The following PPP2R2B variants were observed in gnomAD, a reference collection of about 807,000 sequenced individuals.
PPP2R2B encodes the protein protein phosphatase 2 regulatory subunit Bbeta.
In PPP2R2B, 5 loss-of-function variants were observed where a neutral mutation model predicts 46.0. The observed-to-expected ratio is 0.11, with a 90% CI of 0.06 to 0.23. PPP2R2B has a LOEUF of 0.23. Among genes scored for constraint, PPP2R2B ranks in the 10% least tolerant of loss-of-function variants. PPP2R2B has a pLI of 1.00. For synonymous variants in PPP2R2B, 215 were observed against 206.7 expected, an observed-to-expected ratio of 1.04 and a Z score of -0.34; for missense variants, 367 against 575.0, an observed-to-expected ratio of 0.64 and a Z score of 3.70.
At chr5:146,804,081 C>T (rs1757027959) in intron 2 of PPP2R2B, among the ~76,000 whole-genome samples, 3 of 151,780 alleles carry the variant, frequency 2.0e-5, no homozygotes, top group Admixed American at 6.6e-5. Flanking sequence ...GGAGAAGAAT[C>T]GCTTGAACCC....
intron 1 of PPP2R2B, among the ~76,000 whole-genome samples, chr5:146,965,251 A>AAAT (rs1426814138): frequency 6.6e-6 from 1 of 152,206 alleles, no homozygotes; most frequent in South Asian, 2.1e-4. Context: ...TCCAGAAATA[A>AAAT]AATAATAATA....
intron 2 of PPP2R2B, among the ~76,000 whole-genome samples, chr5:146,784,211 GA>G (rs1457241652): frequency 1.3e-5 from 2 of 152,240 alleles, no homozygotes; most frequent in Non-Finnish European, 2.9e-5. Context: ...ATGATATGCA[GA>G]AGTTTTCTCA....
intron 2 of PPP2R2B, among the ~76,000 whole-genome samples, chr5:146,743,999 TAA>T (rs1246649220): frequency 6.6e-6 from 1 of 152,188 alleles, no homozygotes; most frequent in African/African-American, 2.4e-5. Flanking sequence ...TCAACTGCAT[TAA>T]GTTAAGCCAA....
chr5:146,939,409 G>C (rs773369664), intron 1 of PPP2R2B, among the ~76,000 whole-genome samples: 90 of 152,198 alleles, frequency 5.9e-4, no homozygotes, highest in Non-Finnish European at 1.1e-3. Context: ...GTGGGAAAGA[G>C]GGTGATGAGC....
At chr5:146,865,070 A>G (rs1402609027) in intron 2 of PPP2R2B, among the ~76,000 whole-genome samples, 1 of 152,216 alleles carries the variant, frequency 6.6e-6, no homozygotes, top group Non-Finnish European at 1.5e-5. Flanking sequence ...CTATAACATA[A>G]CCAAATACAT....
intron 2 of PPP2R2B, among the ~76,000 whole-genome samples, chr5:146,857,941 G>A (rs1760774003): frequency 6.6e-6 from 1 of 152,160 alleles, no homozygotes; most frequent in Non-Finnish European, 1.5e-5. Flanking sequence ...CCTGCCTTTG[G>A]CCTCCCAAAG....
chr5:146,993,328 T>C (rs1286112236), intron 1 of PPP2R2B, among the ~76,000 whole-genome samples: 1 of 152,064 alleles, frequency 6.6e-6, no homozygotes, highest in Non-Finnish European at 1.5e-5. Context: ...CTGCAGCCTC[T>C]GCCTCCTAGG....
chr5:146,823,853 T>G (rs1158440988), intron 2 of PPP2R2B, among the ~76,000 whole-genome samples: 2 of 152,206 alleles, frequency 1.3e-5, no homozygotes, highest in East Asian at 1.9e-4. Flanking sequence ...TTGCCTCATT[T>G]CAAGTTAATT....
Position 146,588,078 on chromosome 5 carries a change from A to G in PPP2R2B, c.*1869T>C, listed in dbSNP as rs975769887. The stretch of plus-strand genomic sequence containing the variant: ...ACTCTCTCATGTCTCCTCCAAGAAC[A>G]CTGTCCCAGTCAGGACAGAAATCTT... On this transcript the variant is annotated 3_prime_UTR_variant, in exon 10 of 10. Transcript: ENST00000394411. 1 of 148,916 alleles carries G rather than the reference A, an allele frequency of 6.7e-6. No homozygotes were observed. Among genetic ancestry groups the G allele is most frequent in the Admixed American group, 6.8e-5 (1 of 14,734 alleles). 9.2% of individuals were successfully genotyped at this position (148,916 alleles called of 1,614,324 possible). A position where few individuals can be genotyped will look rare whatever the true frequency, so the allele number is the denominator to read the frequency against.
chr5:147,005,100 A>G (rs1295198141), intron 1 of PPP2R2B, among the ~76,000 whole-genome samples: 3 of 152,142 alleles, frequency 2.0e-5, no homozygotes, highest in African/African-American at 7.2e-5. Context: ...TGTATGTGTG[A>G]GGCCCTCAAC....
In PPP2R2B at chr5:146,921,845, C is replaced by T. The variant is rs532645278; in HGVS notation, c.79+133820G>A. On this transcript the variant is annotated intron_variant, in intron 1 of 8. Coordinates refer to the PPP2R2B transcript ENST00000336640. ...TCAAGTATAACAACAAGTACTACTA[C>T]TATTAATTATTTAGATGCCTACCAT... Among the ~76,000 whole-genome samples, 112 of 152,316 alleles carry T rather than the reference C, an allele frequency of 7.4e-4. 1 individual carries two copies. Among genetic ancestry groups the T allele is most frequent in the Non-Finnish European group, 1.2e-3 (83 of 68,028 alleles).
At chr5:146,797,881 G>T (rs1252494632) in intron 2 of PPP2R2B, among the ~76,000 whole-genome samples, 1 of 152,164 alleles carries the variant, frequency 6.6e-6, no homozygotes, top group African/African-American at 2.4e-5. Context: ...TTAGCTCCTG[G>T]AGTTCAGAGG....
chr5:146,707,481 C>T, intron 2 of PPP2R2B: 3 of 747,262 alleles, frequency 4.0e-6, no homozygotes, highest in South Asian at 1.4e-5. Flanking sequence ...CTGCTGCCCA[C>T]TCAGGAGAAG....
chr5:146,728,121 G>T (rs1310650371), intron 2 of PPP2R2B, among the ~76,000 whole-genome samples: 1 of 147,334 alleles, frequency 6.8e-6, no homozygotes, highest in African/African-American at 2.5e-5. Flanking sequence ...TGAATATGAT[G>T]GCTAGGGAAA....
Position 146,726,257 on chromosome 5 carries a change from T to A in PPP2R2B, c.71-25115A>T, listed in dbSNP as rs60041254. 9.4e-3 allele frequency among the ~76,000 whole-genome samples: 1,432 copies of A among 151,976 alleles called. 25 individuals are homozygous for A. The highest frequency in any genetic ancestry group is 0.033 in the African/African-American group (1,371 of 41,330). ...GGCGTCAAACAAGCAGGAAGAAAAC[T>A]AGGATTTTGGCCAATTTAAGCCAAC... On this transcript the variant is annotated intron_variant, in intron 2 of 9. Transcript: ENST00000394411.
At position 146,974,709 on chromosome 5, in the gene PPP2R2B, A is replaced by G. The variant is rs1186664134; in HGVS notation, c.79+80956T>C. ...AAAAGGAATTTTTTTTTTTTTTTTG[A>G]GATGGAGTCTGGCTGTGTCACCCAG... On this transcript the variant is annotated intron_variant, in intron 1 of 8. Transcript: ENST00000336640. 2.4e-5 allele frequency among the ~76,000 whole-genome samples: 3 copies of G among 125,068 alleles called. No homozygotes were observed. In the Admixed American group the frequency reaches 2.5e-4, roughly 11 times the overall value. The allele number at this position is 125,068 out of a possible 152,430, so 82.0% of individuals were successfully genotyped here. A position where few individuals can be genotyped will look rare whatever the true frequency, so the allele number is the denominator to read the frequency against.
intron 1 of PPP2R2B, among the ~76,000 whole-genome samples, chr5:147,007,798 G>T (rs1244759446): frequency 6.6e-6 from 1 of 152,128 alleles, no homozygotes; most frequent in South Asian, 2.1e-4. Context: ...CACTCCTGAA[G>T]TCAGCAAGAC....
chr5:146,841,179 A>T (rs1759616074), intron 2 of PPP2R2B, among the ~76,000 whole-genome samples: 1 of 152,194 alleles, frequency 6.6e-6, no homozygotes, highest in Non-Finnish European at 1.5e-5. Context: ...AACTCAAAGC[A>T]GAAGCCAGCT....
intron 1 of PPP2R2B, among the ~76,000 whole-genome samples, chr5:147,053,655 T>C (rs1756939076): frequency 6.6e-6 from 1 of 152,010 alleles, no homozygotes; most frequent in Non-Finnish European, 1.5e-5. Context: ...AGTGATGTGT[T>C]TGAGGAAACC....
Sources: allele counts gnomAD v4.1 joint callset (sites outside exome capture counted in the v4.1 genomes callset), GRCh38; gene constraint gnomAD v4.1.1; transcripts MANE v1.5; gene names NCBI Gene and HGNC (gene_info 2026-07-23, HGNC 2026-07-21).